Variants in PGGHG observed in about 807,000 individuals in gnomAD.
The protein encoded by PGGHG is protein-glucosylgalactosylhydroxylysine glucosidase, also known as ATH1, acid trehalase-like 1.
PGGHG carries 67 observed loss-of-function variants against 74.5 expected under a neutral mutation model. The ratio of observed to expected loss-of-function variants is 0.90; its 90% CI spans 0.74 to 1.10. The LOEUF is 1.10. Among genes scored for constraint, PGGHG ranks in the 50% least tolerant of loss-of-function variants. The pLI is 0.00. For synonymous variants in PGGHG, 496 were observed against 419.9 expected (o/e 1.18, Z -2.21); for missense variants, 1,034 against 981.5 (o/e 1.05, Z -0.72).
chr11:291,799 T>G (rs768326238), intron 4 of PGGHG, 177 bp from the exon 5 acceptor site: 2 of 910,148 alleles, frequency 2.2e-6, no homozygotes, highest in Non-Finnish European at 3.1e-6. Flanking sequence ...TCCAGGAGCG[T>G]CTGGGCTGGA....
chr11:290,306 G>A, intron 2 of PGGHG, 84 bp from the exon 3 acceptor site: 1 of 1,420,412 alleles, frequency 7.0e-7, no homozygotes, highest in Non-Finnish European at 9.5e-7. Flanking sequence ...TCATTGTGGG[G>A]AGAGGCAGCG....
In PGGHG at chr11:289,766, C is replaced by T. The variant is rs866460445; in HGVS notation, c.-13-38C>T. 2 of 1,518,330 alleles carry T rather than the reference C, an allele frequency of 1.3e-6. No homozygotes were observed. The highest frequency in any genetic ancestry group is 8.8e-7 in the Non-Finnish European group (1 of 1,130,406). 94.1% of individuals were successfully genotyped at this position (1,518,330 alleles called of 1,614,324 possible). A position where few individuals can be genotyped will look rare whatever the true frequency, so the allele number is the denominator to read the frequency against. On this transcript the variant is annotated intron_variant, in intron 1 of 13. Coordinates refer to ENST00000409548, the MANE Select transcript of PGGHG (RefSeq NM_025092.5). The surrounding 1 kb of genome is among the most constrained non-coding windows in gnomAD (Gnocchi z 5.6). ...GACGGTCTCAAGAGGGAGGCCCAGC[C>T]AGTCCCGCGGCCCCTGACACCCCAT...
Position 290,804 on chromosome 11 carries a change from C to T in PGGHG, c.597C>T (p.Asp199=). ...AAGGTGAGGAGGCTAGGACGTGGGACTTCCTGACAGCAGTGGGCGGCAGCC... is the reference window on the plus strand; with the variant it reads ...AAGGTGAGGAGGCTAGGACGTGGGATTTCCTGACAGCAGTGGGCGGCAGCC... ...LGEGEEARTW[D]FLTAVGGSQA... Residue 199 remains aspartate, a synonymous_variant, in exon 4 of 14, where the codon GAC becomes GAT. Transcript: ENST00000409548. 1 of 1,612,736 alleles carries T rather than the reference C, an allele frequency of 6.2e-7. No individual in the cohort carries two copies. The highest frequency in any genetic ancestry group is 1.7e-4 in the Middle Eastern group (1 of 6,044).
chr11:293,205 C>G lies in PGGHG; in HGVS notation c.1313C>G (p.Ser438Cys). The change falls in exon 8 of 14, where the codon TCT becomes TGT. Residue 438 changes from serine (S) to cysteine (C), a missense_variant. Physicochemically the swap from Ser to Cys is moderately radical, Grantham distance 112 (BLOSUM62 -1). Transcript: ENST00000409548. The stretch of plus-strand genomic sequence containing the variant: ...GAGTACCATTCAGGGGTCAACAACT[C>G]TGTGTACACCAACGTCCTGGTCCAG... ...PDEYHSGVNN[S>C]VYTNVLVQNS... is the part of the protein sequence containing the mutation. 1 of 1,613,838 alleles carries G rather than the reference C, an allele frequency of 6.2e-7. No individual in the cohort carries two copies. Among genetic ancestry groups the G allele is most frequent in the Non-Finnish European group, 8.5e-7 (1 of 1,179,988 alleles).
Position 293,178 on chromosome 11 carries a change from A to G in PGGHG, c.1286A>G (p.Asp429Gly). 2 of 1,613,840 alleles carry G rather than the reference A, an allele frequency of 1.2e-6. No homozygotes were observed. Among genetic ancestry groups the G allele is most frequent in the Non-Finnish European group, 1.7e-6 (2 of 1,179,986 alleles). ...GTGTGTCCAGGAGTCATGTCCCCCG[A>G]CGAGTACCATTCAGGGGTCAACAAC... is the stretch of plus-strand genomic sequence containing the variant. ...KYHLRGVMSP[D>G]EYHSGVNNSV... The change falls in exon 8 of 14, where the codon GAC (aspartate) becomes GGC (glycine). Residue 429 changes from aspartate to glycine, a missense_variant. By Grantham distance (94) the Asp-to-Gly change is moderately conservative (BLOSUM62 -1). Transcript: ENST00000409548.
chr11:293,447 G>A lies in PGGHG; in HGVS notation c.1425G>A (p.Lys475=). 4.3e-6 allele frequency: 7 copies of A among 1,612,278 alleles called. No homozygotes were observed. The highest frequency in any genetic ancestry group is 5.9e-6 in the Non-Finnish European group (7 of 1,180,000). ...GGCTGGCGGTGGCTGACAAGATCAAGGTACCCTTTGACGTGGAGCAGAACT... is the reference window on the plus strand; with the variant it reads ...GGCTGGCGGTGGCTGACAAGATCAAAGTACCCTTTGACGTGGAGCAGAACT... The part of the protein sequence containing the change: ...SQWLAVADKI[K]VPFDVEQNFH... The change falls in exon 9 of 14, where the codon AAG becomes AAA. Residue 475 remains lysine (K), a synonymous_variant. Transcript: ENST00000409548.
Position 289,788 on chromosome 11 carries a change from C to A in PGGHG, c.-13-16C>A. On this transcript the variant is annotated splice_polypyrimidine_tract_variant and intron_variant, in intron 1 of 13. Transcript: ENST00000409548. The surrounding 1 kb of genome is among the most constrained non-coding windows in gnomAD (Gnocchi z 5.6). The stretch of plus-strand genomic sequence containing the variant: ...AGCCAGTCCCGCGGCCCCTGACACC[C>A]CATCAGGCCGCTCAGGCCCAGCAGC... The A allele has an allele frequency of 6.5e-7, 1 of 1,539,696 alleles. No individual in the cohort carries two copies. Among genetic ancestry groups the A allele is most frequent in the Non-Finnish European group, 8.8e-7 (1 of 1,140,818 alleles).
In PGGHG at chr11:295,172, G is replaced by A. The variant is rs139751854; in HGVS notation, c.*423G>A. 812 of 163,214 alleles carry A rather than the reference G, an allele frequency of 5.0e-3. 4 individuals are homozygous for A. The highest frequency in any genetic ancestry group is 0.037 in the Middle Eastern group (13 of 350). 10.1% of individuals were successfully genotyped at this position (163,214 alleles called of 1,614,324 possible). A position where few individuals can be genotyped will look rare whatever the true frequency, so the allele number is the denominator to read the frequency against. ...TCAGCGTGGACAGCAGGGATAAGGG[G>A]CACGAAGGACGGGGACTCGGCCCCT... On this transcript the variant is annotated 3_prime_UTR_variant, in exon 14 of 14. Transcript: ENST00000409548.
intron 5 of PGGHG, 103 bp from the exon 6 acceptor site, chr11:292,443 G>C: frequency 1.4e-6 from 2 of 1,449,208 alleles, no homozygotes; most frequent in South Asian, 2.5e-5. Flanking sequence ...AGGGTACCTG[G>C]CGCAGGCCGA....
intron 4 of PGGHG, chr11:291,318 C>T: frequency 1.6e-6 from 1 of 608,686 alleles, no homozygotes; most frequent in Non-Finnish European, 2.6e-6. Flanking sequence ...GCTGAGAGGG[C>T]CTGAGGCACT....
In PGGHG at chr11:294,283, G is replaced by A. The variant is rs2134030825; in HGVS notation, c.1825G>A (p.Val609Met). The A allele has an allele frequency of 6.2e-7, 1 of 1,609,504 alleles. No homozygotes were observed. Among genetic ancestry groups the A allele is most frequent in the African/African-American group, 1.3e-5 (1 of 74,928 alleles). Reference protein sequence around the residue: ...CTGFRVTRAGVTFDPVCLSGI... With the variant: ...CTGFRVTRAGMTFDPVCLSGI... ...CTCCCACAGGGTCACCCGAGCGGGTGTGACCTTTGACCCTGTGTGTCTGTC... is the reference window on the plus strand; with the variant it reads ...CTCCCACAGGGTCACCCGAGCGGGTATGACCTTTGACCCTGTGTGTCTGTC... Residue 609 changes from valine to methionine, a missense_variant, in exon 13 of 14, where the codon GTG (valine) becomes ATG (methionine). Val to Met is a conservative substitution (Grantham distance 21). Coordinates refer to ENST00000409548, the MANE Select transcript of PGGHG (RefSeq NM_025092.5).
Position 293,428 on chromosome 11 carries a change from CGGT to C in PGGHG, c.1409_1411del (p.Val470del). ...CTTCCCATCCCCAGCCAGTGGCTGG[CGGT>C]GGCTGACAAGATCAAGGTACCCTTT... is the stretch of plus-strand genomic sequence containing the variant. On this transcript the variant is annotated inframe_deletion, in exon 9 of 14. Coordinates refer to ENST00000409548, the MANE Select transcript of PGGHG (RefSeq NM_025092.5). 3.1e-6 allele frequency: 5 copies of C among 1,612,246 alleles called. No homozygotes were observed. Among genetic ancestry groups the C allele is most frequent in the Non-Finnish European group, 4.2e-6 (5 of 1,179,970 alleles).
At position 290,891 on chromosome 11, in the gene PGGHG, T is replaced by C. The variant is rs72636977; in HGVS notation, c.684T>C (p.Tyr228=). The C allele has an allele frequency of 0.084, 135,501 of 1,612,248 alleles. 9,107 individuals carry two copies. Among genetic ancestry groups the C allele is most frequent in the East Asian group, 0.29 (12,990 of 44,842 alleles). The part of the protein sequence containing the change: ...ALQLQARGAL[Y]TAHAQAWAQL... ...AGCTGCAGGCCAGGGGAGCTCTGTA[T>C]ACGGCTCACGCACAGGCCTGGGCCC... Residue 228 remains tyrosine (Y), a synonymous_variant, in exon 4 of 14, where the codon TAT becomes TAC. Transcript: ENST00000409548.
At position 294,384 on chromosome 11, in the gene PGGHG, C is replaced by T. The variant is rs141863244; in HGVS notation, c.1926C>T (p.Ser642=). Residue 642 remains serine, a synonymous_variant, in exon 13 of 14, where the codon TCC becomes TCT. Coordinates refer to ENST00000409548, the MANE Select transcript of PGGHG (RefSeq NM_025092.5). ...TCAACTTCTCTTTTTCCGAGGACTC[C>T]GTGACCGTGGAGGTCACAGCTCGAG... ...NKLNFSFSED[S]VTVEVTARAG... is the part of the protein sequence containing the mutation. 6.8e-5 allele frequency: 110 copies of T among 1,612,970 alleles called. No homozygotes were observed. The highest frequency in any genetic ancestry group is 8.6e-5 in the Non-Finnish European group (102 of 1,179,970).
In PGGHG at chr11:289,191, G is replaced by A. The variant is rs1845642271; in HGVS notation, c.-62G>A. 1 of 151,418 alleles carries A rather than the reference G, an allele frequency of 6.6e-6. No individual in the cohort carries two copies. Among genetic ancestry groups the A allele is most frequent in the Non-Finnish European group, 1.5e-5 (1 of 67,644 alleles). 9.4% of individuals were successfully genotyped at this position (151,418 alleles called of 1,614,324 possible). A position where few individuals can be genotyped will look rare whatever the true frequency, so the allele number is the denominator to read the frequency against. ...TTCCTCCCGGCCCTGGCGTGGAGCA[G>A]AGGGACACAGGTTCCCACGCTGGCG... On this transcript the variant is annotated 5_prime_UTR_variant, in exon 1 of 14. Transcript: ENST00000409548. This position sits in a 1 kb window ranked among gnomAD's most constrained non-coding sequence, Gnocchi z 5.6.
rs1377161699 is a variant in PGGHG at position 295,717 on chromosome 11, G to A, written c.*968G>A. On this transcript the variant is annotated 3_prime_UTR_variant, in exon 14 of 14. Coordinates refer to ENST00000409548, the MANE Select transcript of PGGHG (RefSeq NM_025092.5). ...GCCGCTGTGCTTCCTTCTGAAGTGA[G>A]GGCCGTGCCCCGGGTCCCATTTCTC... 1 of 152,358 alleles carries A rather than the reference G, an allele frequency of 6.6e-6. No individual in the cohort carries two copies. The highest frequency in any genetic ancestry group is 1.5e-5 in the Non-Finnish European group (1 of 68,066). The allele number at this position is 152,358 out of a possible 1,614,324, so 9.4% of individuals were successfully genotyped here. A position where few individuals can be genotyped will look rare whatever the true frequency, so the allele number is the denominator to read the frequency against.
intron 6 of PGGHG, 79 bp from the exon 7 acceptor site, chr11:292,807 C>T: frequency 1.2e-6 from 2 of 1,608,960 alleles, no homozygotes. Context: ...AATGCCAGGC[C>T]TTGCTTCTGG....
At position 289,717 on chromosome 11, in the gene PGGHG, T is replaced by G. The variant is rs1845658192; in HGVS notation, c.-13-87T>G. ...CTGGTTCCGCAACTCCCCCCAGTTC[T>G]GAGGGAGGCTTCAGGGGATTACAGA... On this transcript the variant is annotated intron_variant, in intron 1 of 13. Transcript: ENST00000409548. The surrounding 1 kb of genome is among the most constrained non-coding windows in gnomAD (Gnocchi z 5.6). The G allele has an allele frequency of 1.4e-6, 2 of 1,431,308 alleles. No homozygotes were observed. Among genetic ancestry groups the G allele is most frequent in the African/African-American group, 2.9e-5 (2 of 69,832 alleles). 88.7% of individuals were successfully genotyped at this position (1,431,308 alleles called of 1,614,324 possible).
intron 5 of PGGHG, 59 bp downstream of exon 5, chr11:292,154 C>A (rs940206966): frequency 2.2e-5 from 33 of 1,474,470 alleles, no homozygotes; most frequent in Middle Eastern, 2.2e-4. Flanking sequence ...CCCCCACACC[C>A]CTCCCAGGCC....
Sources: gnomAD v4.1 joint callset for allele counts on GRCh38, gnomAD v4.1.1 for gene constraint, Gnocchi (gnomAD v3.1) non-coding constraint, MANE v1.5 for transcripts, NCBI Gene and HGNC (gene_info 2026-07-23, HGNC 2026-07-21) for gene names.